The following EPHA6 variants were observed in gnomAD, a reference collection of about 807,000 sequenced individuals.
The protein encoded by EPHA6 is ephrin type-A receptor 6.
In EPHA6, 50 loss-of-function variants were observed where a neutral mutation model predicts 112.0. The observed-to-expected ratio is 0.45, with a 90% confidence interval of 0.36 to 0.56. EPHA6 has a LOEUF of 0.56. EPHA6 is among the 20% of genes least tolerant of loss of function. The probability of loss-of-function intolerance (pLI) is 0.00; values close to 1 mark genes in which losing one functional copy is unlikely to be tolerated. For missense variants in EPHA6, 1,280 were observed against 1,417.4 expected, an observed-to-expected ratio of 0.90 and a Z score of 1.56; for synonymous variants, 529 against 490.7, an observed-to-expected ratio of 1.08 and a Z score of -1.03.
intron 5 of EPHA6, among the ~76,000 whole-genome samples, chr3:97,351,424 G>A (rs984862594): frequency 2.6e-5 from 4 of 152,146 alleles, no homozygotes; most frequent in Admixed American, 6.5e-5. Context: ...GCTTTTGTTT[G>A]TTACAGAAGA....
chr3:97,726,225 A>G (rs759418222), intron 15 of EPHA6, among the ~76,000 whole-genome samples: 5 of 152,116 alleles, frequency 3.3e-5, no homozygotes, highest in Non-Finnish European at 5.9e-5. Context: ...TGATAACACC[A>G]AAGTTCAGGC....
intron 1 of EPHA6, among the ~76,000 whole-genome samples, chr3:96,821,022 A>T (rs1008645982): frequency 2.0e-5 from 3 of 151,882 alleles, no homozygotes; most frequent in African/African-American, 7.2e-5. Context: ...AGATACTTTC[A>T]ATTATACTTA....
chr3:96,991,277 G>A (rs2043207045), intron 3 of EPHA6, among the ~76,000 whole-genome samples: 1 of 152,172 alleles, frequency 6.6e-6, no homozygotes, highest in Non-Finnish European at 1.5e-5. Context: ...AGCCCAAAAT[G>A]TATTGGCTTA....
intron 11 of EPHA6, among the ~76,000 whole-genome samples, chr3:97,566,148 A>G (rs6810360): frequency 0.28 from 41,967 of 152,100 alleles, 8,962 homozygotes; most frequent in African/African-American, 0.59. Context: ...GAAGGTAGCA[A>G]GTGCATCATG....
rs894514387 is a variant in EPHA6, at chr3:97,645,630, C to T, written c.2784+7548C>T. The stretch of plus-strand genomic sequence containing the variant: ...TGTATACATATGTAACTAACCTGCA[C>T]GTTGTGCACATGTACCCTAAAACTT... On this transcript the variant is annotated intron_variant, in intron 14 of 17. Transcript: ENST00000389672. Among the ~76,000 whole-genome samples the T allele has an allele frequency of 3.3e-5, 5 of 150,584 alleles. No individual in the cohort carries two copies. In the East Asian group the frequency reaches 5.9e-4, roughly 18 times the overall value.
chr3:97,357,329 C>T (rs2084133395), intron 5 of EPHA6, among the ~76,000 whole-genome samples: 1 of 152,156 alleles, frequency 6.6e-6, no homozygotes, highest in Non-Finnish European at 1.5e-5. Context: ...GCCTAACCCT[C>T]TCAAGTAGCT....
At chr3:97,217,117 A>G (rs2078056118) in intron 3 of EPHA6, among the ~76,000 whole-genome samples, 1 of 152,166 alleles carries the variant, frequency 6.6e-6, no homozygotes, top group South Asian at 2.1e-4. Flanking sequence ...AGGAGAAAGG[A>G]CCCTGATAAA....
At chr3:96,943,368 A>ATATCAAAATACATG (rs2041083068) in intron 2 of EPHA6, among the ~76,000 whole-genome samples, 2 of 152,218 alleles carry the variant, frequency 1.3e-5, no homozygotes. Flanking sequence ...GTGTATACAT[A>ATATCAAAATACATG]TATCAAAACA....
chr3:96,898,971 T>C (rs2107564995), intron 2 of EPHA6, among the ~76,000 whole-genome samples: 1 of 148,664 alleles, frequency 6.7e-6, no homozygotes, highest in Admixed American at 6.8e-5. Context: ...GAGCTTGCAG[T>C]GAGTTGAGAT....
intron 3 of EPHA6, among the ~76,000 whole-genome samples, chr3:97,052,904 A>G (rs899856483): frequency 2.6e-5 from 4 of 152,072 alleles, no homozygotes; most frequent in African/African-American, 9.7e-5. Context: ...CTAAATACAC[A>G]TTGTCAACTA....
chr3:97,513,165 C>A (rs868036343), intron 10 of EPHA6, among the ~76,000 whole-genome samples: 2 of 152,070 alleles, frequency 1.3e-5, no homozygotes, highest in Non-Finnish European at 2.9e-5. Context: ...AGACAAAATC[C>A]TTGTCCTCAA....
intron 17 of EPHA6, among the ~76,000 whole-genome samples, chr3:97,748,076 GC>G (rs1391550105): frequency 6.6e-6 from 1 of 151,930 alleles, no homozygotes; most frequent in Admixed American, 6.6e-5. Flanking sequence ...ATATTAAATT[GC>G]CATTGTTTTA....
chr3:97,270,366 C>T (rs1399962912), intron 5 of EPHA6, among the ~76,000 whole-genome samples: 1 of 152,018 alleles, frequency 6.6e-6, no homozygotes, highest in East Asian at 1.9e-4. Flanking sequence ...CATTTTTTCC[C>T]TTGTGGGTTA....
At chr3:97,074,911 T>C (rs761097411) in intron 3 of EPHA6, among the ~76,000 whole-genome samples, 5 of 152,042 alleles carry the variant, frequency 3.3e-5, no homozygotes, top group Admixed American at 6.6e-5. Context: ...TTCTCATACA[T>C]GTCTCCATGA....
chr3:97,194,442 G>A (rs1171562040), intron 3 of EPHA6, among the ~76,000 whole-genome samples: 1 of 151,444 alleles, frequency 6.6e-6, no homozygotes, highest in Non-Finnish European at 1.5e-5. Context: ...TACTTGATAT[G>A]ATTTAATTTT....
chr3:97,177,982 G>A (rs1034448187), intron 3 of EPHA6, among the ~76,000 whole-genome samples: 3 of 151,806 alleles, frequency 2.0e-5, no homozygotes, highest in Non-Finnish European at 4.4e-5. Flanking sequence ...ACTTACTCCT[G>A]CCATTTTGTG....
chr3:96,921,852 G>A (rs1180051344), intron 2 of EPHA6, among the ~76,000 whole-genome samples: 1 of 152,106 alleles, frequency 6.6e-6, no homozygotes, highest in Non-Finnish European at 1.5e-5. Context: ...TCAAGCATGA[G>A]CCACTGCGCC....
chr3:97,363,230 ATATAT>A (rs2084499044), intron 5 of EPHA6, among the ~76,000 whole-genome samples: 5 of 75,078 alleles, frequency 6.7e-5, no homozygotes, highest in Admixed American at 5.7e-4. Flanking sequence ...ATATATATAT[ATATAT>A]ATAAATCTCA....
intron 5 of EPHA6, among the ~76,000 whole-genome samples, chr3:97,401,151 CT>C (rs937805380): frequency 2.4e-4 from 36 of 151,298 alleles, no homozygotes; most frequent in Admixed American, 1.5e-3. Context: ...TTATCAAATG[CT>C]TTTTTTTGCA....
Sources: gnomAD v4.1 joint callset for allele counts (sites outside exome capture counted in the v4.1 genomes callset) on GRCh38, gnomAD v4.1.1 for gene constraint, MANE v1.5 for transcripts, NCBI Gene and HGNC (gene_info 2026-07-23, HGNC 2026-07-21) for gene names.